The following ABHD2 variants were observed in gnomAD, a reference collection of about 807,000 sequenced individuals.
ABHD2 encodes abhydrolase domain containing 2, acylglycerol lipase.
In ABHD2, 20 loss-of-function variants were observed where a neutral mutation model predicts 48.1. That is an observed-to-expected ratio of 0.42 (90% CI 0.29 to 0.60). ABHD2 has a LOEUF of 0.60. Among genes scored for constraint, ABHD2 ranks in the 20% least tolerant of loss-of-function variants. The pLI, the probability that ABHD2 is intolerant of heterozygous loss-of-function variation, is 0.24. For synonymous variants in ABHD2, 209 were observed against 214.2 expected, an observed-to-expected ratio of 0.98 and a Z score of 0.21; for missense variants, 405 against 550.9, an observed-to-expected ratio of 0.74 and a Z score of 2.65.
the ABHD2 span, among the ~76,000 whole-genome samples, chr15:89,046,785 C>G: frequency 6.6e-6 from 1 of 152,222 alleles, no homozygotes; most frequent in South Asian, 2.1e-4. Flanking sequence ...TGATTCTTCT[C>G]TCTTTTTTTC....
At chr15:89,076,673 G>A in the ABHD2 span, among the ~76,000 whole-genome samples, 1 of 151,910 alleles carries the variant, frequency 6.6e-6, no homozygotes, top group South Asian at 2.1e-4. Context: ...TTGTAGAGAT[G>A]AGGTCTCACC....
chr15:89,187,173 A>C (rs969285383), intron 7 of ABHD2, among the ~76,000 whole-genome samples: 2 of 152,348 alleles, frequency 1.3e-5, no homozygotes, highest in Non-Finnish European at 2.9e-5. Context: ...CTGGTGTCAA[A>C]AGTGACTCCT....
chr15:89,084,592 C>T (rs1901325885), upstream of ABHD2, among the ~76,000 whole-genome samples: 1 of 152,194 alleles, frequency 6.6e-6, no homozygotes, highest in African/African-American at 2.4e-5. This position sits in a 1 kb window ranked among gnomAD's most constrained non-coding sequence, Gnocchi z 4.4. Context: ...AGCCACGGCG[C>T]CTGGCCCTAA....
At chr15:89,144,853 C>T (rs1429363702) in intron 3 of ABHD2, among the ~76,000 whole-genome samples, 1 of 152,168 alleles carries the variant, frequency 6.6e-6, no homozygotes, top group Non-Finnish European at 1.5e-5. Context: ...TCAAAAAAGT[C>T]GTGGGGACAA....
intron 3 of ABHD2, among the ~76,000 whole-genome samples, chr15:89,123,057 C>T (rs1461900835): frequency 1.3e-5 from 2 of 152,138 alleles, no homozygotes; most frequent in Non-Finnish European, 2.9e-5. Flanking sequence ...CCAGCTGCCA[C>T]CTGTATTAAA....
intron 1 of ABHD2, among the ~76,000 whole-genome samples, chr15:89,113,211 AC>A (rs1184307819): frequency 1.3e-5 from 2 of 151,814 alleles, no homozygotes; most frequent in African/African-American, 4.8e-5. Context: ...GCAATCCCCT[AC>A]CTTTTGCTTT....
Position 89,184,829 on chromosome 15 carries a change from A to G in ABHD2, c.723-595A>G, listed in dbSNP as rs568623337. On this transcript the variant is annotated intron_variant, in intron 6 of 10. Transcript: ENST00000352732. The surrounding 1 kb of genome is among the most constrained non-coding windows in gnomAD (Gnocchi z 5.1). ...AGAAAGACACTTCCAGACCAGCCCC[A>G]CCAGCTGTGCCTACAAAGGGTTAAG... Among the ~76,000 whole-genome samples the G allele has an allele frequency of 2.0e-5, 3 of 152,326 alleles. No individual in the cohort carries two copies. Among genetic ancestry groups the G allele is most frequent in the African/African-American group, 7.2e-5 (3 of 41,566 alleles).
intron 1 of ABHD2, among the ~76,000 whole-genome samples, chr15:89,095,209 G>A (rs293373): frequency 0.35 from 53,576 of 152,016 alleles, 10,104 homozygotes; most frequent in Non-Finnish European, 0.44. Context: ...CTGTTTGGGA[G>A]GGCCTAAAGT....
chr15:89,042,589 TATTTATTTATTTA>T, the ABHD2 span, among the ~76,000 whole-genome samples: 96 of 23,486 alleles, frequency 4.1e-3, no homozygotes, highest in African/African-American at 0.017. Context: ...CTTTCTTTCT[TATTTATTTATTTA>T]TTTATTTATT....
chr15:89,160,836 G>C (rs141915796), intron 5 of ABHD2, among the ~76,000 whole-genome samples: 1 of 152,136 alleles, frequency 6.6e-6, no homozygotes, highest in Non-Finnish European at 1.5e-5. Context: ...TACAGTACAC[G>C]ACCAAGCCTA....
In ABHD2 at chr15:89,201,134, G is replaced by T; in HGVS notation, c.*5711G>T. The stretch of plus-strand genomic sequence containing the variant: ...AATGGCTGCAATTACAACAAGAAGT[G>T]AAGGAAGAAGACTGGTGACATCTCT... On this transcript the variant is annotated 3_prime_UTR_variant, in exon 11 of 11. Coordinates refer to ENST00000352732, the MANE Select transcript of ABHD2 (RefSeq NM_152924.5). 1.7e-6 allele frequency: 2 copies of T among 1,208,954 alleles called. No individual in the cohort carries two copies. Among genetic ancestry groups the T allele is most frequent in the Non-Finnish European group, 2.5e-6 (2 of 813,712 alleles). The allele number at this position is 1,208,954 out of a possible 1,614,324, so 74.9% of individuals were successfully genotyped here.
chr15:89,186,175 G>A lies in ABHD2; in HGVS notation c.815+659G>A, dbSNP rs549206695. Among the ~76,000 whole-genome samples the A allele has an allele frequency of 1.3e-5, 2 of 152,202 alleles. No individual in the cohort carries two copies. Among genetic ancestry groups the A allele is most frequent in the South Asian group, 2.1e-4 (1 of 4,830 alleles). Reference sequence around the variant, plus strand: ...GGATCAGGACTCATTCTTGGCTGGCGCTTGGGCTTCTGACCAAGCAGCAGC... The same window carrying A: ...GGATCAGGACTCATTCTTGGCTGGCACTTGGGCTTCTGACCAAGCAGCAGC... On this transcript the variant is annotated intron_variant, in intron 7 of 10. Transcript: ENST00000352732. This position sits in a 1 kb window ranked among gnomAD's most constrained non-coding sequence, Gnocchi z 4.3.
intron 5 of ABHD2, among the ~76,000 whole-genome samples, chr15:89,172,721 C>G (rs79257830): frequency 0.021 from 3,193 of 152,266 alleles, 89 homozygotes; most frequent in African/African-American, 0.072. Context: ...AACAACTCTA[C>G]GAAGTCTTTA....
chr15:89,191,077 C>T lies in ABHD2; in HGVS notation c.927-3C>T. On this transcript the variant is annotated splice_polypyrimidine_tract_variant and splice_region_variant and intron_variant, in intron 8 of 10. Coordinates refer to ENST00000352732, the MANE Select transcript of ABHD2 (RefSeq NM_152924.5). Reference sequence around the variant, plus strand: ...CTTTTTTTCTTTTTCTGGTGTGTTGCAGGAAGTTTCACGGCTATAACTCCC... The same window carrying T: ...CTTTTTTTCTTTTTCTGGTGTGTTGTAGGAAGTTTCACGGCTATAACTCCC... 2 of 1,613,482 alleles carry T rather than the reference C, an allele frequency of 1.2e-6. No homozygotes were observed. The highest frequency in any genetic ancestry group is 1.7e-6 in the Non-Finnish European group (2 of 1,179,932).
chr15:89,191,218 C>A, intron 9 of ABHD2, 69 bp downstream of exon 9: 1 of 1,505,042 alleles, frequency 6.6e-7, no homozygotes, highest in Non-Finnish European at 9.1e-7. Context: ...CGACAGATAC[C>A]TCTCCTGAAT....
chr15:89,156,225 G>A (rs1242733433), intron 5 of ABHD2, among the ~76,000 whole-genome samples: 1 of 141,174 alleles, frequency 7.1e-6, no homozygotes, highest in Non-Finnish European at 1.5e-5. Context: ...AGTTCACTCT[G>A]TTTTCCTGCC....
rs74029938 is a variant in ABHD2, at chr15:89,177,186, G to T, written c.722+1191G>T. ...TATTTTTCCGTGCCGGCAATATGGG[G>T]ATGATGATGATAAGCAGTACCTACC... On this transcript the variant is annotated intron_variant, in intron 6 of 10. Coordinates refer to ENST00000352732, the MANE Select transcript of ABHD2 (RefSeq NM_152924.5). The surrounding 1 kb of genome is among the most constrained non-coding windows in gnomAD (Gnocchi z 5.6). 6.6e-6 allele frequency among the ~76,000 whole-genome samples: 1 copy of T among 152,212 alleles called. No individual in the cohort carries two copies. Among genetic ancestry groups the T allele is most frequent in the African/African-American group, 2.4e-5 (1 of 41,442 alleles).
chr15:89,093,108 G>T (rs1325800140), intron 1 of ABHD2, among the ~76,000 whole-genome samples: 1 of 150,624 alleles, frequency 6.6e-6, no homozygotes, highest in African/African-American at 2.4e-5. Flanking sequence ...TTTGCCGTTT[G>T]CTCTCTGTTC....
chr15:89,153,346 A>T (rs142846140), intron 4 of ABHD2, among the ~76,000 whole-genome samples: 2 of 152,266 alleles, frequency 1.3e-5, no homozygotes, highest in Non-Finnish European at 2.9e-5. Flanking sequence ...AGATGAATAC[A>T]TGAATAGGTG....
Sources: gnomAD v4.1 joint callset for allele counts (sites outside exome capture counted in the v4.1 genomes callset) on GRCh38, gnomAD v4.1.1 for gene constraint, Gnocchi (gnomAD v3.1) non-coding constraint, MANE v1.5 for transcripts, NCBI Gene and HGNC (gene_info 2026-07-23, HGNC 2026-07-21) for gene names.